The following ZBBX variants were observed in gnomAD, a reference collection of about 807,000 sequenced individuals.
ZBBX encodes the protein zinc finger B-box domain-containing protein 1.
Under a neutral mutation model 108.5 loss-of-function variants are expected in ZBBX, and 101 were observed. The observed-to-expected ratio is 0.93, with a 90% CI of 0.79 to 1.10. The LOEUF is 1.10. Ranked by LOEUF, ZBBX falls within the 50% of genes least tolerant of loss-of-function variation. The pLI, the probability that ZBBX is intolerant of heterozygous loss-of-function variation, is 0.00. For missense variants in ZBBX, 1,009 were observed against 941.4 expected, an observed-to-expected ratio of 1.07 and a Z score of -0.94; for synonymous variants, 356 against 323.4, an observed-to-expected ratio of 1.10 and a Z score of -1.08.
chr3:167,246,441 C>A (rs1163118903), intron 20 of ZBBX, among the ~76,000 whole-genome samples: 1 of 152,180 alleles, frequency 6.6e-6, no homozygotes, highest in Non-Finnish European at 1.5e-5. Context: ...AAAGCCACTG[C>A]CTCACTGTTT....
In ZBBX at chr3:167,328,034, G is replaced by GCTT. The variant is rs1430652095; in HGVS notation, c.767_769dup (p.Glu256dup). ...CACTTCCTGAAAGGACTGTGCAGAA[G>GCTT]CTTCTTCATCGAATGACCCTTCACA... On this transcript the variant is annotated inframe_insertion, in exon 11 of 22. Transcript: ENST00000675490. 1.2e-6 allele frequency: 2 copies of GCTT among 1,613,424 alleles called. No individual in the cohort carries two copies. The highest frequency in any genetic ancestry group is 2.2e-5 in the South Asian group (2 of 91,044).
At chr3:167,379,912 T>A (rs1297048916) in intron 1 of ZBBX, 120 bp from the exon 2 acceptor site, 1 of 152,316 alleles carries the variant, frequency 6.6e-6, no homozygotes, top group African/African-American at 2.4e-5. Context: ...GGGGTACAAC[T>A]GATGAAGTCC....
chr3:167,396,394 C>G (rs1471515519), intron 1 of ZBBX, among the ~76,000 whole-genome samples: 1 of 152,040 alleles, frequency 6.6e-6, no homozygotes, highest in East Asian at 1.9e-4. Flanking sequence ...TTGAAGCACA[C>G]TTCAGTGGCA....
chr3:167,375,598 G>T (rs1270817755), intron 2 of ZBBX, among the ~76,000 whole-genome samples: 1 of 143,964 alleles, frequency 6.9e-6, no homozygotes, highest in Non-Finnish European at 1.5e-5. Context: ...TCTCAAAAAA[G>T]AAAAAAAAAA....
chr3:167,229,286 GACCCGAATTAA>G, the ZBBX span, among the ~76,000 whole-genome samples: 1 of 151,662 alleles, frequency 6.6e-6, no homozygotes, highest in African/African-American at 2.4e-5. Context: ...TCATTCTTAA[GACCCGAATTAA>G]ACGTCACTTC....
chr3:167,282,629 A>T, intron 19 of ZBBX, 134 bp from the exon 20 acceptor site: 1 of 698,902 alleles, frequency 1.4e-6, no homozygotes, highest in African/African-American at 1.8e-5. Context: ...GTTAACTTTG[A>T]CTATCACCCT....
intron 1 of ZBBX, among the ~76,000 whole-genome samples, chr3:167,391,424 AGGG>A (rs1338691212): frequency 6.6e-6 from 1 of 152,050 alleles, no homozygotes; most frequent in Non-Finnish European, 1.5e-5. Context: ...AATGTTCATC[AGGG>A]ATAATGGCCT....
intron 9 of ZBBX, among the ~76,000 whole-genome samples, chr3:167,344,112 C>T (rs535084655): frequency 1.3e-5 from 2 of 151,880 alleles, no homozygotes; most frequent in East Asian, 3.9e-4. Context: ...AAAGAAGCCA[C>T]TCATAAAAGG....
chr3:167,243,748 CTTTTTTTTTT>C (rs148483655), intron 20 of ZBBX, among the ~76,000 whole-genome samples: 3 of 70,872 alleles, frequency 4.2e-5, no homozygotes, highest in Admixed American at 3.8e-4. Flanking sequence ...GTGGACTTGA[CTTTTTTTTTT>C]TTTTTTTTTT....
intron 20 of ZBBX, among the ~76,000 whole-genome samples, chr3:167,264,506 T>C (rs558292566): frequency 1.3e-5 from 2 of 152,330 alleles, no homozygotes; most frequent in East Asian, 1.9e-4. Context: ...AAAAACTCTA[T>C]ACTTTAAACT....
chr3:167,248,990 A>G (rs935522013), intron 20 of ZBBX, among the ~76,000 whole-genome samples: 1 of 152,220 alleles, frequency 6.6e-6, no homozygotes, highest in Admixed American at 6.5e-5. Flanking sequence ...GAAAGAAGAA[A>G]GGGAATGAGG....
chr3:167,392,390 A>T (rs537572775), intron 1 of ZBBX, among the ~76,000 whole-genome samples: 1 of 152,006 alleles, frequency 6.6e-6, no homozygotes, highest in Non-Finnish European at 1.5e-5. Context: ...GTGTGGAAGC[A>T]TTGTCATTTC....
chr3:167,279,822 G>A (rs1200476966), intron 20 of ZBBX, among the ~76,000 whole-genome samples: 1 of 152,168 alleles, frequency 6.6e-6, no homozygotes, highest in African/African-American at 2.4e-5. Context: ...AAAGCTGGAG[G>A]CATCATACTA....
At chr3:167,397,142 T>A (rs1445691888) in intron 1 of ZBBX, among the ~76,000 whole-genome samples, 10 of 72,408 alleles carry the variant, frequency 1.4e-4, no homozygotes, top group Non-Finnish European at 2.4e-4. Flanking sequence ...TTCTTGGTGG[T>A]AAAAAAAAAA....
At chr3:167,290,130 G>T (rs1730428853) in intron 18 of ZBBX, among the ~76,000 whole-genome samples, 1 of 152,170 alleles carries the variant, frequency 6.6e-6, no homozygotes, top group African/African-American at 2.4e-5. Flanking sequence ...GGAAGGGGCG[G>T]TTGTAGGTGC....
chr3:167,401,473 C>CAG (rs1345820298), intron 1 of ZBBX: 46 of 152,280 alleles, frequency 3.0e-4, no homozygotes, highest in African/African-American at 1.1e-3. Context: ...ACCCTATAGA[C>CAG]AGCAGCCCGG....
Position 167,317,104 on chromosome 3 carries a change from A to G in ZBBX, c.1095T>C (p.Gly365=). 1 of 1,583,772 alleles carries G rather than the reference A, an allele frequency of 6.3e-7. No individual in the cohort carries two copies. Among genetic ancestry groups the G allele is most frequent in the Non-Finnish European group, 8.6e-7 (1 of 1,157,006 alleles). The change falls in exon 14 of 22, where the codon GGT becomes GGC. Residue 365 remains glycine, a splice_region_variant and synonymous_variant. Coordinates refer to ENST00000675490, the MANE Select transcript of ZBBX (RefSeq NM_001199201.2). ...SQNENDEDSD[G]EETKVQHTAL... is the part of the protein sequence containing the mutation. ...CTGTGTGTTGTACTTTGGTCTCCTC[A>G]CCTAGGAAATAAGATTCACAAATAA...
chr3:167,364,796 A>C (rs1482357334), intron 6 of ZBBX, among the ~76,000 whole-genome samples: 4 of 151,880 alleles, frequency 2.6e-5, no homozygotes, highest in Non-Finnish European at 4.4e-5. Flanking sequence ...AATCCTAGGG[A>C]GTACATTTAC....
At chr3:167,338,970 C>A (rs1740068370) in intron 9 of ZBBX, among the ~76,000 whole-genome samples, 1 of 151,942 alleles carries the variant, frequency 6.6e-6, no homozygotes, top group Non-Finnish European at 1.5e-5. Context: ...TTCTATAAAT[C>A]TTTTTTTGGC....
Sources: gnomAD v4.1 joint callset for allele counts (sites outside exome capture counted in the v4.1 genomes callset) on GRCh38, gnomAD v4.1.1 for gene constraint, MANE v1.5 for transcripts, NCBI Gene and HGNC (gene_info 2026-07-23, HGNC 2026-07-21) for gene names.